CELF5: variants seen among roughly 807,000 people sequenced by gnomAD.
CELF5 encodes the protein CUG-BP and ETR-3 like factor 5.
CELF5 carries 6 observed loss-of-function variants against 54.9 expected under a neutral mutation model. The ratio of observed to expected loss-of-function variants is 0.11; its 90% confidence interval spans 0.06 to 0.22. CELF5 has a LOEUF of 0.22. Among genes scored for constraint, CELF5 ranks in the 10% least tolerant of loss-of-function variants. The pLI is 1.00. For missense variants in CELF5, 401 were observed against 678.6 expected (o/e 0.59, Z 4.54); for synonymous variants, 271 against 290.9 (o/e 0.93, Z 0.70).
intron 2 of CELF5, among the ~76,000 whole-genome samples, chr19:3,271,757 G>A (rs566896463): frequency 1.3e-5 from 2 of 152,036 alleles, no homozygotes; most frequent in Non-Finnish European, 2.9e-5. Context: ...GAGGAGGGGA[G>A]TGCAAAATAA....
chr19:3,244,986 GGT>G (rs2079545045), intron 1 of CELF5, among the ~76,000 whole-genome samples: 1 of 147,872 alleles, frequency 6.8e-6, no homozygotes, highest in Non-Finnish European at 1.5e-5. Flanking sequence ...GTGCATGTGT[GGT>G]GTGTATATGC....
chr19:3,276,683 G>A (rs1301102134), intron 4 of CELF5, among the ~76,000 whole-genome samples: 1 of 151,850 alleles, frequency 6.6e-6, no homozygotes, highest in African/African-American at 2.4e-5. Flanking sequence ...AAGAGGGGCG[G>A]GGCTGCGGTG....
chr19:3,259,056 G>T (rs4807434), intron 2 of CELF5, among the ~76,000 whole-genome samples: 17,151 of 152,162 alleles, frequency 0.11, 989 homozygotes, highest in East Asian at 0.15. Context: ...GGTGGACAGG[G>T]TGGCTTCTTG....
intron 2 of CELF5, chr19:3,270,549 G>A (rs1344585320): frequency 6.8e-6 from 1 of 147,834 alleles, no homozygotes; most frequent in Non-Finnish European, 1.5e-5. Context: ...GTCGGGCGCA[G>A]GGCGCGCGGC....
chr19:3,231,337 C>CATGG (rs937635666), intron 1 of CELF5, among the ~76,000 whole-genome samples: 3 of 152,094 alleles, frequency 2.0e-5, no homozygotes, highest in African/African-American at 7.2e-5. Flanking sequence ...TGGATACAGA[C>CATGG]ATGGATGGAT....
intron 5 of CELF5, among the ~76,000 whole-genome samples, chr19:3,280,704 G>A (rs2080135238): frequency 6.6e-6 from 1 of 152,158 alleles, no homozygotes; most frequent in African/African-American, 2.4e-5. Context: ...GTTCTCAGGT[G>A]TGGGTGAGAA....
chr19:3,246,220 C>T (rs778254610), intron 1 of CELF5, among the ~76,000 whole-genome samples: 6 of 151,998 alleles, frequency 3.9e-5, no homozygotes, highest in Non-Finnish European at 5.9e-5. Flanking sequence ...AAAAGTTAGC[C>T]GGGCATGGTG....
At chr19:3,248,698 C>T (rs975334806) in intron 1 of CELF5, among the ~76,000 whole-genome samples, 4 of 152,110 alleles carry the variant, frequency 2.6e-5, no homozygotes, top group African/African-American at 4.8e-5. Flanking sequence ...TATCTCTGTT[C>T]GAGTCCCTGC....
At chr19:3,292,725 G>A (rs1319676691) in intron 11 of CELF5, among the ~76,000 whole-genome samples, 5 of 152,106 alleles carry the variant, frequency 3.3e-5, no homozygotes, top group Non-Finnish European at 7.4e-5. Context: ...AGAAAGAGGG[G>A]AGGGGAGAGA....
At chr19:3,288,079 G>A (rs577571167) in intron 10 of CELF5, among the ~76,000 whole-genome samples, 89 of 152,314 alleles carry the variant, frequency 5.8e-4, no homozygotes, top group Middle Eastern at 3.4e-3. Flanking sequence ...GGCATGCAGC[G>A]TGTATTTTCT....
At position 3,225,346 on chromosome 19, in the gene CELF5, T is replaced by C. The variant is rs867041394; in HGVS notation, c.259+348T>C. 1.8e-4 allele frequency: 11 copies of C among 62,140 alleles called. 1 individual carries two copies. The highest frequency in any genetic ancestry group is 3.3e-4 in the Non-Finnish European group (10 of 30,610). 3.8% of individuals were successfully genotyped at this position (62,140 alleles called of 1,614,324 possible). A position where few individuals can be genotyped will look rare whatever the true frequency, so the allele number is the denominator to read the frequency against. On this transcript the variant is annotated intron_variant, in intron 1 of 12. Coordinates refer to ENST00000292672, the MANE Select transcript of CELF5 (RefSeq NM_021938.4). Reference sequence around the variant, plus strand: ...ATCCTTCCCCCCACAGCACCCTCTCTCTCCCTCCCTCCCTCCCTCACCCTT... The same window carrying C: ...ATCCTTCCCCCCACAGCACCCTCTCCCTCCCTCCCTCCCTCCCTCACCCTT...
chr19:3,241,759 A>G (rs776081935), intron 1 of CELF5, among the ~76,000 whole-genome samples: 1 of 152,016 alleles, frequency 6.6e-6, no homozygotes, highest in African/African-American at 2.4e-5. Flanking sequence ...GTTTCTGACA[A>G]AGGTGGCACT....
intron 11 of CELF5, among the ~76,000 whole-genome samples, chr19:3,292,346 C>T (rs1037284574): frequency 6.7e-6 from 1 of 149,788 alleles, no homozygotes; most frequent in African/African-American, 2.5e-5. Flanking sequence ...GCCATCAGTG[C>T]GATCTCGGCT....
chr19:3,245,132 G>A (rs991702273), intron 1 of CELF5, among the ~76,000 whole-genome samples: 21 of 149,510 alleles, frequency 1.4e-4, no homozygotes, highest in Non-Finnish European at 2.7e-4. Flanking sequence ...TGTGTGTAGT[G>A]TGTGGTGTGT....
intron 1 of CELF5, among the ~76,000 whole-genome samples, chr19:3,244,560 G>A (rs1490703446): frequency 2.7e-5 from 4 of 149,486 alleles, no homozygotes; most frequent in South Asian, 2.1e-4. Flanking sequence ...CATGCATTGC[G>A]TGTGATGTGT....
chr19:3,273,816 C>A, intron 2 of CELF5, 56 bp from the exon 3 acceptor site: 2 of 1,257,830 alleles, frequency 1.6e-6, no homozygotes, highest in South Asian at 1.2e-5. Context: ...CAAAACCCCC[C>A]GCCTGCCACA....
intron 2 of CELF5, among the ~76,000 whole-genome samples, chr19:3,258,776 T>TAGTTTTTTATTTTTTGC (rs1051376926): frequency 5.9e-5 from 9 of 151,912 alleles, no homozygotes; most frequent in Non-Finnish European, 1.2e-4. Context: ...CACGCCTGGC[T>TAGTTTTTTATTTTTTGC]AGTTTTTTAT....
chr19:3,290,173 C>T (rs988163975), intron 10 of CELF5, 58 bp from the exon 11 acceptor site: 71 of 1,488,056 alleles, frequency 4.8e-5, no homozygotes, highest in Admixed American at 2.1e-4. Context: ...GCCCCTCCCC[C>T]GGGGGGGTTC....
At chr19:3,284,692 C>G in intron 8 of CELF5, 2 of 583,136 alleles carry the variant, frequency 3.4e-6, no homozygotes, top group Non-Finnish European at 6.3e-6. Context: ...AACCCGGATT[C>G]CAGTTCAGCT....
Sources: gnomAD v4.1 joint callset for allele counts (sites outside exome capture counted in the v4.1 genomes callset) on GRCh38, gnomAD v4.1.1 for gene constraint, MANE v1.5 for transcripts, NCBI Gene and HGNC (gene_info 2026-07-23, HGNC 2026-07-21) for gene names.